DNAH8: variants seen among roughly 807,000 people sequenced by gnomAD.
The protein encoded by DNAH8 is dynein axonemal heavy chain 8.
Under a neutral mutation model 562.1 loss-of-function variants are expected in DNAH8, and 382 were observed. That is an observed-to-expected ratio of 0.68 (90% confidence interval 0.63 to 0.74). DNAH8 has a LOEUF of 0.74. DNAH8 is among the 30% of genes least tolerant of loss of function. The pLI, the probability that DNAH8 is intolerant of heterozygous loss-of-function variation, is 0.00. For missense variants in DNAH8, 5,203 were observed against 5,620.4 expected (o/e 0.93, Z 2.37); for synonymous variants, 1,881 against 1,919.4 (o/e 0.98, Z 0.52).
At chr6:39,003,161 C>T (rs1477796074) in intron 88 of DNAH8, among the ~76,000 whole-genome samples, 10 of 152,176 alleles carry the variant, frequency 6.6e-5, no homozygotes, top group African/African-American at 2.4e-4. Flanking sequence ...TCTGCCAATT[C>T]GTGTGGCAAA....
At chr6:39,026,037 T>G (rs1767251533) in intron 91 of DNAH8, among the ~76,000 whole-genome samples, 1 of 152,230 alleles carries the variant, frequency 6.6e-6, no homozygotes, top group Admixed American at 6.5e-5. Context: ...GTGATTGCTT[T>G]GTTTGGTCAA....
At chr6:39,009,303 A>C (rs916467200) in intron 89 of DNAH8, among the ~76,000 whole-genome samples, 2 of 15,030 alleles carry the variant, frequency 1.3e-4, no homozygotes, top group Admixed American at 5.3e-4. Flanking sequence ...AGCTGTGCTA[A>C]AAAAAAAAAA....
In DNAH8 at chr6:38,842,430, G is replaced by A. The variant is rs368354332; in HGVS notation, c.4529G>A (p.Ser1510Asn). ...TATGACACCGTAATGAGCAGTATTA[G>A]TGGTTATTATGAAATACTTTGGGGA... is the stretch of plus-strand genomic sequence containing the variant. ...GLYDTVMSSI[S>N]GYYEILWGDV... Residue 1510 changes from serine (S) to asparagine (N), a missense_variant, in exon 34 of 93, where the codon AGT becomes AAT. Ser to Asn is a conservative substitution (Grantham distance 46, BLOSUM62 1). Coordinates refer to ENST00000327475, the MANE Select transcript of DNAH8 (RefSeq NM_001206927.2). The A allele has an allele frequency of 5.6e-6, 9 of 1,612,502 alleles. 1 individual carries two copies. In the African/African-American group the frequency reaches 1.1e-4, roughly 19 times the overall value.
At position 38,823,556 on chromosome 6, in the gene DNAH8, C is replaced by CA; in HGVS notation, c.3721-6_3721-5insA. 6.3e-7 allele frequency: 1 copy of CA among 1,594,508 alleles called. No homozygotes were observed. The highest frequency in any genetic ancestry group is 1.1e-5 in the South Asian group (1 of 89,982). On this transcript the variant is annotated splice_polypyrimidine_tract_variant and splice_region_variant and intron_variant, in intron 27 of 92. Coordinates refer to ENST00000327475, the MANE Select transcript of DNAH8 (RefSeq NM_001206927.2). ...AATTAAAATATTGACTATTTTCTTA[C>CA]CACAGGAATTTTTGGCTAACAACCC...
At chr6:39,014,455 C>T (rs1766432958) in intron 91 of DNAH8, among the ~76,000 whole-genome samples, 1 of 152,184 alleles carries the variant, frequency 6.6e-6, no homozygotes, top group African/African-American at 2.4e-5. Context: ...GCCAGCCCCT[C>T]TGCTAGGTAC....
chr6:38,890,499 T>TC (rs1461280606), intron 57 of DNAH8, among the ~76,000 whole-genome samples, 153 bp from the exon 58 acceptor site: 64 of 152,310 alleles, frequency 4.2e-4, no homozygotes, highest in Non-Finnish European at 9.0e-4. Flanking sequence ...CTTGGCTGGA[T>TC]CCACTACTGA....
chr6:38,912,438 C>T (rs149725525), intron 66 of DNAH8, among the ~76,000 whole-genome samples: 3 of 152,254 alleles, frequency 2.0e-5, no homozygotes, highest in East Asian at 1.9e-4. Flanking sequence ...ACACTCCAGC[C>T]TAGGTGACAG....
At chr6:38,780,217 T>C (rs1355153962) in intron 15 of DNAH8, 152 bp downstream of exon 15, 3 of 743,096 alleles carry the variant, frequency 4.0e-6, no homozygotes, top group Non-Finnish European at 6.5e-6. Context: ...GGGAAGGTGC[T>C]TGACAGTGTA....
chr6:38,853,520 C>T (rs542624467), intron 41 of DNAH8, among the ~76,000 whole-genome samples, 173 bp downstream of exon 41: 1 of 152,264 alleles, frequency 6.6e-6, no homozygotes, highest in African/African-American at 2.4e-5. Flanking sequence ...TGTCAACCTA[C>T]ACCATTCTAG....
rs560936004 is a variant in DNAH8 at position 39,030,357 on chromosome 6, C to T, written c.14089C>T (p.Leu4697=). The T allele has an allele frequency of 2.4e-5, 39 of 1,614,186 alleles. No homozygotes were observed. Among genetic ancestry groups the T allele is most frequent in the South Asian group, 2.1e-4 (19 of 91,078 alleles). The change falls in exon 93 of 93, where the codon CTG becomes TTG. Residue 4697 remains leucine, a synonymous_variant. Transcript: ENST00000327475. ...AGTGTTGTCCCCGGATCACTGGATC[C>T]TGAGAGGAGTGGCCCTTTTGTGTGA... ...RTVLSPDHWI[L]RGVALLCDIK
At chr6:38,861,090 C>CT (rs1474177023) in intron 43 of DNAH8, among the ~76,000 whole-genome samples, 6 of 152,172 alleles carry the variant, frequency 3.9e-5, no homozygotes, top group African/African-American at 1.4e-4. Flanking sequence ...ATTACTAGGT[C>CT]TTTTTTATCC....
Position 38,803,170 on chromosome 6 carries a change from A to G in DNAH8, c.2902-9A>G, listed in dbSNP as rs781254209. The stretch of plus-strand genomic sequence containing the variant: ...TCTGGAAAATAATAGTCATTTCTTT[A>G]TTTAACAGACATACACAAAAGAATG... On this transcript the variant is annotated splice_polypyrimidine_tract_variant and intron_variant, in intron 21 of 92. Transcript: ENST00000327475. 1 of 1,567,820 alleles carries G rather than the reference A, an allele frequency of 6.4e-7. No individual in the cohort carries two copies. The highest frequency in any genetic ancestry group is 1.9e-5 in the Admixed American group (1 of 53,124).
chr6:38,902,306 T>G (rs539031214), intron 62 of DNAH8, among the ~76,000 whole-genome samples: 2 of 151,776 alleles, frequency 1.3e-5, no homozygotes, highest in East Asian at 1.9e-4. Context: ...CAATCCAGAG[T>G]CCTTACTCCC....
intron 82 of DNAH8, among the ~76,000 whole-genome samples, chr6:38,958,181 A>G (rs1008778446): frequency 6.7e-6 from 1 of 149,370 alleles, no homozygotes; most frequent in African/African-American, 2.5e-5. Context: ...TTTTTTTTGT[A>G]TTTTTAGTAG....
intron 13 of DNAH8, among the ~76,000 whole-genome samples, chr6:38,776,654 C>T (rs1277269967): frequency 2.0e-5 from 3 of 152,164 alleles, no homozygotes; most frequent in Non-Finnish European, 4.4e-5. Flanking sequence ...CTTCCTGTGG[C>T]CTTATGCTTT....
chr6:38,856,864 C>G (rs1181519493), intron 41 of DNAH8, among the ~76,000 whole-genome samples: 4 of 152,136 alleles, frequency 2.6e-5, no homozygotes, highest in Admixed American at 2.0e-4. Flanking sequence ...AAGGGACAAC[C>G]CTTTCAGTGA....
rs74327301 is a variant in DNAH8, at chr6:38,959,186, A to T, written c.12451+7666A>T. On this transcript the variant is annotated intron_variant, in intron 82 of 92. Coordinates refer to ENST00000327475, the MANE Select transcript of DNAH8 (RefSeq NM_001206927.2). The stretch of plus-strand genomic sequence containing the variant: ...AGCTAACATCATACTAAACTGGGAA[A>T]AGTTGAAAGCTTTTCCTCTAAAATT... 6.3e-3 allele frequency among the ~76,000 whole-genome samples: 964 copies of T among 152,338 alleles called. 6 individuals carry two copies. The highest frequency in any genetic ancestry group is 0.013 in the Admixed American group (193 of 15,302).
chr6:39,010,019 A>T (rs1235729158), intron 89 of DNAH8, among the ~76,000 whole-genome samples: 1 of 152,196 alleles, frequency 6.6e-6, no homozygotes, highest in Admixed American at 6.5e-5. Flanking sequence ...AACTTACTCT[A>T]AAAGATTACA....
intron 52 of DNAH8, among the ~76,000 whole-genome samples, chr6:38,873,715 A>T (rs1777651106): frequency 8.1e-6 from 1 of 123,220 alleles, no homozygotes; most frequent in African/African-American, 3.1e-5. Context: ...AATAAAAAAT[A>T]ACACATACAC....
Sources: allele counts gnomAD v4.1 joint callset (sites outside exome capture counted in the v4.1 genomes callset), GRCh38; gene constraint gnomAD v4.1.1; transcripts MANE v1.5; gene names NCBI Gene and HGNC (gene_info 2026-07-23, HGNC 2026-07-21).